DRD4: variants seen among roughly 807,000 people sequenced by gnomAD.
DRD4 encodes dopamine receptor D4.
A neutral mutation model predicts 22.1 loss-of-function variants in DRD4; 26 were observed. That is an observed-to-expected ratio of 1.17 (90% CI 0.86 to 1.63). DRD4 has a LOEUF of 1.63. Ranked by LOEUF, DRD4 falls within the 40% of genes most tolerant of loss-of-function variation. The pLI is 0.00. For synonymous variants in DRD4, 455 were observed against 306.7 expected, an observed-to-expected ratio of 1.48 and a Z score of -5.05; for missense variants, 913 against 632.4, an observed-to-expected ratio of 1.44 and a Z score of -4.76.
In DRD4 at chr11:637,302, G is replaced by C; in HGVS notation, c.-3G>C. The C allele has an allele frequency of 8.3e-7, 1 of 1,208,190 alleles. No homozygotes were observed. Among genetic ancestry groups the C allele is most frequent in the Non-Finnish European group, 1.0e-6 (1 of 973,316 alleles). 74.8% of individuals were successfully genotyped at this position (1,208,190 alleles called of 1,614,324 possible). On this transcript the variant is annotated 5_prime_UTR_variant, in exon 1 of 4. Coordinates refer to ENST00000176183, the MANE Select transcript of DRD4 (RefSeq NM_000797.4). ...CGGTGCTCAGCGCCCGCCCGGGCGC[G>C]CCATGGGGAACCGCAGCACCGCGGA...
Position 640,584 on chromosome 11 carries a change from C to G in DRD4, c.1241C>G (p.Ala414Gly), listed in dbSNP as rs779255532. ...GAGTTCCGCAACGTCTTCCGCAAGG[C>G]CCTGCGTGCCTGCTGCTGAGCCGGG... ...NAEFRNVFRK[A>G]LRACC Residue 414 changes from alanine (A) to glycine (G), a missense_variant, in exon 4 of 4, where the codon GCC becomes GGC. Transcript: ENST00000176183. The G allele has an allele frequency of 6.3e-7, 1 of 1,599,660 alleles. No individual in the cohort carries two copies. Among genetic ancestry groups the G allele is most frequent in the Non-Finnish European group, 8.5e-7 (1 of 1,179,858 alleles).
At chr11:637,701 T>G in intron 1 of DRD4, 112 bp downstream of exon 1, 1 of 1,518,750 alleles carries the variant, frequency 6.6e-7, no homozygotes. Context: ...AGCTTCCAGC[T>G]GGGGCGGCGG....
chr11:637,494 G>A lies in DRD4; in HGVS notation c.190G>A (p.Ala64Thr). ...GTGCGTGAGCGTGGCCACCGAGCGC[G>A]CCCTGCAGACGCCCACCAACTCCTT... ...LVCVSVATER[A>T]LQTPTNSFIV... Residue 64 changes from alanine (A) to threonine (T), a missense_variant, in exon 1 of 4, where the codon GCC becomes ACC. Physicochemically the swap from Ala to Thr is moderately conservative, Grantham distance 58 (BLOSUM62 0). Transcript: ENST00000176183. 1.3e-6 allele frequency: 2 copies of A among 1,551,302 alleles called. No homozygotes were observed. The highest frequency in any genetic ancestry group is 1.7e-6 in the Non-Finnish European group (2 of 1,154,294).
chr11:638,757 C>T (rs1478256814), intron 1 of DRD4, among the ~76,000 whole-genome samples: 1 of 152,128 alleles, frequency 6.6e-6, no homozygotes, highest in Non-Finnish European at 1.5e-5. Context: ...TGATATCAGG[C>T]CCGCCCCCAG....
chr11:637,631 C>T lies in DRD4; in HGVS notation c.285+42C>T, dbSNP rs140238246. On this transcript the variant is annotated intron_variant, in intron 1 of 3. Transcript: ENST00000176183. ...CGCACGAGCATCCTCACCTGCTCCT[C>T]GGTTCCCCGTCCCTGTCCCTACGGA... 5,378 of 1,537,120 alleles carry T rather than the reference C, an allele frequency of 3.5e-3. 15 individuals carry two copies. Among genetic ancestry groups the T allele is most frequent in the Non-Finnish European group, 4.4e-3 (5,053 of 1,146,698 alleles).
Position 640,653 on chromosome 11 carries a change from C to G in DRD4, c.*50C>G, listed in dbSNP as rs761467181. 2 of 1,589,308 alleles carry G rather than the reference C, an allele frequency of 1.3e-6. No individual in the cohort carries two copies. Among genetic ancestry groups the G allele is most frequent in the East Asian group, 2.2e-5 (1 of 44,802 alleles). Reference sequence around the variant, plus strand: ...GGCCTGATGGCCAGGCCTCAGGGACCAAGGAGATGGGGAGGGCGCTTTTGT... The same window carrying G: ...GGCCTGATGGCCAGGCCTCAGGGACGAAGGAGATGGGGAGGGCGCTTTTGT... On this transcript the variant is annotated 3_prime_UTR_variant, in exon 4 of 4. Transcript: ENST00000176183.
chr11:638,944 G>A, intron 1 of DRD4: 1 of 163,924 alleles, frequency 6.1e-6, no homozygotes, highest in Non-Finnish European at 1.3e-5. Flanking sequence ...TCAGCCGGGG[G>A]TGGTGGCTGC....
At chr11:639,158 G>A (rs561071485) in intron 1 of DRD4, 272 of 495,006 alleles carry the variant, frequency 5.5e-4, no homozygotes, top group Admixed American at 8.4e-4. Context: ...TGGAGACTGA[G>A]GTGGGAGGAT....
Position 637,510 on chromosome 11 carries a change from C to T in DRD4, c.206C>T (p.Thr69Ile). ...ACCGAGCGCGCCCTGCAGACGCCCA[C>T]CAACTCCTTCATCGTGAGCCTGGCG... ...VATERALQTPTNSFIVSLAAA... is the reference protein window; with the variant it reads ...VATERALQTPINSFIVSLAAA... Residue 69 changes from threonine (T) to isoleucine (I), a missense_variant, in exon 1 of 4, where the codon ACC (threonine) becomes ATC (isoleucine). By Grantham distance (89) the Thr-to-Ile change is moderately conservative. Transcript: ENST00000176183. 3.2e-6 allele frequency: 5 copies of T among 1,562,406 alleles called. No homozygotes were observed. The highest frequency in any genetic ancestry group is 4.3e-6 in the Non-Finnish European group (5 of 1,159,366).
At position 639,950 on chromosome 11, in the gene DRD4, C is replaced by G; in HGVS notation, c.701C>G (p.Ala234Gly). The G allele has an allele frequency of 1.3e-6, 2 of 1,499,458 alleles. No individual in the cohort carries two copies. The highest frequency in any genetic ancestry group is 1.2e-5 in the South Asian group (1 of 80,540). The allele number at this position is 1,499,458 out of a possible 1,614,324, so 92.9% of individuals were successfully genotyped here. A position where few individuals can be genotyped will look rare whatever the true frequency, so the allele number is the denominator to read the frequency against. The stretch of plus-strand genomic sequence containing the variant: ...CGTCGCGCCAAGCTGCACGGCCGCG[C>G]GCCCCGCCGACCCAGCGGCCCTGGC... The part of the protein sequence containing the change: ...VARRAKLHGR[A>G]PRRPSGPGPP... Residue 234 changes from alanine to glycine, a missense_variant, in exon 3 of 4, where the codon GCG (alanine) becomes GGG (glycine). Ala to Gly is a moderately conservative substitution (Grantham distance 60). Coordinates refer to ENST00000176183, the MANE Select transcript of DRD4 (RefSeq NM_000797.4).
rs1858215639 is a variant in DRD4, at chr11:640,511, T to C, written c.1168T>C (p.Tyr390His). Residue 390 changes from tyrosine to histidine, a missense_variant, in exon 4 of 4, where the codon TAC (tyrosine) becomes CAC (histidine). Physicochemically the swap from Tyr to His is moderately conservative, Grantham distance 83 (BLOSUM62 2). Coordinates refer to ENST00000176183, the MANE Select transcript of DRD4 (RefSeq NM_000797.4). ...GGTCAGCGCCGTCACCTGGCTGGGCTACGTCAACAGCGCCCTCAACCCCGT... is the reference window on the plus strand; with the variant it reads ...GGTCAGCGCCGTCACCTGGCTGGGCCACGTCAACAGCGCCCTCAACCCCGT... ...RLVSAVTWLG[Y>H]VNSALNPVIY... 1 of 1,601,218 alleles carries C rather than the reference T, an allele frequency of 6.2e-7. No homozygotes were observed. Among genetic ancestry groups the C allele is most frequent in the Non-Finnish European group, 8.5e-7 (1 of 1,179,666 alleles).
At position 640,228 on chromosome 11, in the gene DRD4, C is replaced by T. The variant is rs1858197092; in HGVS notation, c.979C>T (p.Pro327Ser). Residue 327 changes from proline (P) to serine (S), a missense_variant, in exon 3 of 4, where the codon CCG becomes TCG. Physicochemically the swap from Pro to Ser is moderately conservative, Grantham distance 74. Coordinates refer to ENST00000176183, the MANE Select transcript of DRD4 (RefSeq NM_000797.4). ...RAAALPPQTPPQTRRRRRAKI... is the reference protein window; with the variant it reads ...RAAALPPQTPSQTRRRRRAKI... ...CGCCGCGCTCCCACCCCAGACTCCA[C>T]CGCAGACCCGCAGGAGGCGGCGTGC... The T allele has an allele frequency of 6.5e-7, 1 of 1,532,814 alleles. No individual in the cohort carries two copies. The highest frequency in any genetic ancestry group is 2.4e-5 in the East Asian group (1 of 40,894). The allele number at this position is 1,532,814 out of a possible 1,614,324, so 95.0% of individuals were successfully genotyped here. A position where few individuals can be genotyped will look rare whatever the true frequency, so the allele number is the denominator to read the frequency against.
chr11:639,774 C>G lies in DRD4; in HGVS notation c.525C>G (p.Asn175Lys). 32 of 1,576,934 alleles carry G rather than the reference C, an allele frequency of 2.0e-5. No individual in the cohort carries two copies. Among genetic ancestry groups the G allele is most frequent in the Non-Finnish European group, 2.7e-5 (32 of 1,170,420 alleles). ...CGGCGCCCGTACTGTGCGGCCTCAA[C>G]GACGTGCGCGGCCGCGACCCCGCCG... ...AVAAPVLCGLNDVRGRDPAVC... is the reference protein window; with the variant it reads ...AVAAPVLCGLKDVRGRDPAVC... Residue 175 changes from asparagine (N) to lysine (K), a missense_variant, in exon 3 of 4, where the codon AAC becomes AAG. Transcript: ENST00000176183.
Position 640,672 on chromosome 11 carries a change from C to CT in DRD4, c.*73dup. 6.4e-7 allele frequency: 1 copy of CT among 1,553,170 alleles called. No individual in the cohort carries two copies. The highest frequency in any genetic ancestry group is 8.8e-7 in the Non-Finnish European group (1 of 1,141,520). On this transcript the variant is annotated 3_prime_UTR_variant, in exon 4 of 4. Coordinates refer to ENST00000176183, the MANE Select transcript of DRD4 (RefSeq NM_000797.4). Reference sequence around the variant, plus strand: ...AGGGACCAAGGAGATGGGGAGGGCGCTTTTGTACGTTAATTAAACAAATTC... The same window carrying CT: ...AGGGACCAAGGAGATGGGGAGGGCGCTTTTTGTACGTTAATTAAACAAATTC...
chr11:640,271 AGC>A lies in DRD4; in HGVS notation c.1025_1026del (p.Arg342GlnfsTer107). ...CGGCGTGCCAAGATCACCGGCCGGGAGCGCAAGGCCATGAGGGTCCTGCCGGT... is the reference window on the plus strand; with the variant it reads ...CGGCGTGCCAAGATCACCGGCCGGGAGCAAGGCCATGAGGGTCCTGCCGGT... On this transcript the variant is annotated frameshift_variant, in exon 3 of 4. Transcript: ENST00000176183. LOFTEE classifies it low-confidence loss of function (END_TRUNC). The A allele has an allele frequency of 6.5e-7, 1 of 1,533,530 alleles. No individual in the cohort carries two copies. The allele number at this position is 1,533,530 out of a possible 1,614,324, so 95.0% of individuals were successfully genotyped here.
Position 637,325 on chromosome 11 carries a change from G to T in DRD4, c.21G>T (p.Ala7=), listed in dbSNP as rs901884594. 12 of 1,251,498 alleles carry T rather than the reference G, an allele frequency of 9.6e-6. No homozygotes were observed. The South Asian group carries it at 3.3e-4, about 34-fold the overall frequency. The allele number at this position is 1,251,498 out of a possible 1,614,324, so 77.5% of individuals were successfully genotyped here. The change falls in exon 1 of 4, where the codon GCG becomes GCT. Residue 7 remains alanine (A), a synonymous_variant. Coordinates refer to ENST00000176183, the MANE Select transcript of DRD4 (RefSeq NM_000797.4). Reference sequence around the variant, plus strand: ...GCGCCATGGGGAACCGCAGCACCGCGGACGCGGACGGGCTGCTGGCTGGGC... The same window carrying T: ...GCGCCATGGGGAACCGCAGCACCGCTGACGCGGACGGGCTGCTGGCTGGGC... MGNRST[A]DADGLLAGRG...
At position 640,636 on chromosome 11, in the gene DRD4, G is replaced by A; in HGVS notation, c.*33G>A. On this transcript the variant is annotated 3_prime_UTR_variant, in exon 4 of 4. Transcript: ENST00000176183. ...ACCCCCGGACGCCCCCCGGCCTGATGGCCAGGCCTCAGGGACCAAGGAGAT... is the reference window on the plus strand; with the variant it reads ...ACCCCCGGACGCCCCCCGGCCTGATAGCCAGGCCTCAGGGACCAAGGAGAT... The A allele has an allele frequency of 1.3e-6, 2 of 1,597,750 alleles. No homozygotes were observed. The highest frequency in any genetic ancestry group is 2.2e-5 in the East Asian group (1 of 44,864).
intron 1 of DRD4, 81 bp downstream of exon 1, chr11:637,670 C>T: frequency 1.4e-5 from 22 of 1,531,750 alleles, no homozygotes; most frequent in Non-Finnish European, 1.8e-5. Context: ...CCCGGCGCGA[C>T]CCGGCCCCTT....
In DRD4 at chr11:640,409, C is replaced by G. The variant is rs748120920; in HGVS notation, c.1066C>G (p.Leu356Val). ...GCTCTCGGCGCCCCCAGGGGCCTTC[C>G]TGCTGTGCTGGACGCCCTTCTTCGT... The part of the protein sequence containing the change: ...RVLPVVVGAF[L>V]LCWTPFFVVH... The change falls in exon 4 of 4, where the codon CTG (leucine) becomes GTG (valine). Residue 356 changes from leucine (L) to valine (V), a missense_variant. Leu to Val is a conservative substitution (Grantham distance 32). Transcript: ENST00000176183. 9 of 1,599,650 alleles carry G rather than the reference C, an allele frequency of 5.6e-6. No homozygotes were observed. The highest frequency in any genetic ancestry group is 1.1e-5 in the South Asian group (1 of 91,044).
Sources: allele counts gnomAD v4.1 joint callset (sites outside exome capture counted in the v4.1 genomes callset), GRCh38; gene constraint gnomAD v4.1.1; transcripts MANE v1.5; gene names NCBI Gene and HGNC (gene_info 2026-07-23, HGNC 2026-07-21).